The following ATP2B2 variants were observed in gnomAD, a reference collection of about 807,000 sequenced individuals.
ATP2B2 encodes the protein plasma membrane calcium-transporting ATPase 2.
In ATP2B2, 15 loss-of-function variants were observed where a neutral mutation model predicts 120.0. The ratio of observed to expected loss-of-function variants is 0.12; its 90% confidence interval spans 0.08 to 0.19. ATP2B2 has a LOEUF of 0.19. Ranked by LOEUF, ATP2B2 falls within the 10% of genes least tolerant of loss-of-function variation. The pLI is 1.00. For missense variants in ATP2B2, 1,045 were observed against 1,719.8 expected (o/e 0.61, Z 6.94); for synonymous variants, 694 against 700.3 (o/e 0.99, Z 0.14).
At chr3:10,638,072 A>C (rs2070071475) in intron 1 of ATP2B2, among the ~76,000 whole-genome samples, 2 of 152,196 alleles carry the variant, frequency 1.3e-5, no homozygotes, top group African/African-American at 2.4e-5. Flanking sequence ...GTAAAATAAA[A>C]ACATTTTTAG....
intron 1 of ATP2B2, among the ~76,000 whole-genome samples, chr3:10,471,316 A>G (rs911644506): frequency 1.3e-5 from 2 of 151,946 alleles, no homozygotes; most frequent in Non-Finnish European, 2.9e-5. Context: ...GTTCCAGGCC[A>G]CGGGAGTCTA....
intron 3 of ATP2B2, among the ~76,000 whole-genome samples, chr3:10,515,495 C>G (rs561389011): frequency 6.6e-6 from 1 of 152,180 alleles, no homozygotes; most frequent in Non-Finnish European, 1.5e-5. Context: ...GGACCTCCCC[C>G]AAGGGTGGTA....
intron 2 of ATP2B2, among the ~76,000 whole-genome samples, chr3:10,605,284 C>A (rs549147065): frequency 6.6e-6 from 1 of 152,212 alleles, no homozygotes; most frequent in Non-Finnish European, 1.5e-5. Context: ...CATTTCCATA[C>A]GTCCTCTCAT....
rs1475477457 is a variant in ATP2B2, at chr3:10,325,519, A to G, written c.*3295T>C. 5 of 112,116 alleles carry G rather than the reference A, an allele frequency of 4.5e-5. No homozygotes were observed. The highest frequency in any genetic ancestry group is 9.0e-5 in the Non-Finnish European group (5 of 55,296). The allele number at this position is 112,116 out of a possible 1,614,324, so 6.9% of individuals were successfully genotyped here. On this transcript the variant is annotated 3_prime_UTR_variant, in exon 23 of 23. Transcript: ENST00000360273. ...GCTTCCAACAACTGGAGGACCCAGG[A>G]CAAGACAGGTTCAGAGTCCTTTGAG...
chr3:10,457,540 A>T (rs2064312635), intron 1 of ATP2B2, among the ~76,000 whole-genome samples: 1 of 142,716 alleles, frequency 7.0e-6, no homozygotes, highest in Non-Finnish European at 1.5e-5. Context: ...CTACTGGAGC[A>T]TGTCAGCATG....
chr3:10,438,860 C>A (rs773017872), intron 2 of ATP2B2, among the ~76,000 whole-genome samples: 1 of 152,194 alleles, frequency 6.6e-6, no homozygotes, highest in Non-Finnish European at 1.5e-5. Flanking sequence ...CCCCTTAGGC[C>A]CGTGTGACAG....
At chr3:10,453,827 G>T (rs894641667) in intron 1 of ATP2B2, among the ~76,000 whole-genome samples, 4 of 152,040 alleles carry the variant, frequency 2.6e-5, no homozygotes, top group Non-Finnish European at 5.9e-5. Flanking sequence ...GATGAAAAAT[G>T]ATCTTCAACC....
chr3:10,382,341 T>C (rs1049216203), intron 8 of ATP2B2, among the ~76,000 whole-genome samples: 1 of 149,296 alleles, frequency 6.7e-6, no homozygotes, highest in African/African-American at 2.5e-5. Context: ...CAGCCCATGA[T>C]GTATAATTTT....
Position 10,520,393 on chromosome 3 carries a change from G to A in ATP2B2, c.-320+13646C>T, listed in dbSNP as rs532218389. On this transcript the variant is annotated intron_variant, in intron 3 of 21. Transcript: ENST00000646379. ...TGGGAGAACCCCTCACCTCCTCACT[G>A]TGGGAGGCGGGTGGAGAGAAATCCT... Among the ~76,000 whole-genome samples, 3 of 152,362 alleles carry A rather than the reference G, an allele frequency of 2.0e-5. No homozygotes were observed. In the South Asian group the frequency reaches 6.2e-4, roughly 32 times the overall value.
intron 1 of ATP2B2, among the ~76,000 whole-genome samples, chr3:10,644,962 A>G (rs2070284099): frequency 6.6e-6 from 1 of 152,244 alleles, no homozygotes; most frequent in African/African-American, 2.4e-5. Flanking sequence ...GAATGTATAA[A>G]TTGCACTACA....
In ATP2B2 at chr3:10,325,222, CA is replaced by C. The variant is rs1408050977; in HGVS notation, c.*3591del. 3 of 150,940 alleles carry C rather than the reference CA, an allele frequency of 2.0e-5. No individual in the cohort carries two copies. The highest frequency in any genetic ancestry group is 7.3e-5 in the African/African-American group (3 of 40,918). 9.4% of individuals were successfully genotyped at this position (150,940 alleles called of 1,614,324 possible). A position where few individuals can be genotyped will look rare whatever the true frequency, so the allele number is the denominator to read the frequency against. ...CCAGAATTTGGGGGTGGGAATGGGA[CA>C]GGGGGTGGAGGACTGGGCACAATTT... On this transcript the variant is annotated 3_prime_UTR_variant, in exon 23 of 23. Coordinates refer to ENST00000360273, the MANE Select transcript of ATP2B2 (RefSeq NM_001001331.4).
chr3:10,368,927 A>T (rs1023774023), intron 12 of ATP2B2, among the ~76,000 whole-genome samples: 17 of 152,094 alleles, frequency 1.1e-4, no homozygotes, highest in Admixed American at 7.9e-4. Context: ...TCCACCCAGC[A>T]CTTCCCAAAA....
chr3:10,490,575 G>A (rs555125431), intron 1 of ATP2B2, among the ~76,000 whole-genome samples: 3 of 151,982 alleles, frequency 2.0e-5, no homozygotes, highest in African/African-American at 7.2e-5. Flanking sequence ...TAATTTTTGT[G>A]TTTTTAGTAG....
intron 2 of ATP2B2, among the ~76,000 whole-genome samples, chr3:10,598,925 G>T (rs1449604935): frequency 1.3e-5 from 2 of 152,210 alleles, no homozygotes; most frequent in Non-Finnish European, 2.9e-5. Flanking sequence ...CTAATAAGAC[G>T]TTTATTTTAT....
At chr3:10,611,590 G>C (rs1386759041) in intron 2 of ATP2B2, among the ~76,000 whole-genome samples, 1 of 152,114 alleles carries the variant, frequency 6.6e-6, no homozygotes, top group Non-Finnish European at 1.5e-5. Context: ...CCTCTTTTGA[G>C]CGACTCACAT....
chr3:10,525,414 TAC>T (rs1467057806), intron 3 of ATP2B2, among the ~76,000 whole-genome samples: 1 of 152,228 alleles, frequency 6.6e-6, no homozygotes, highest in Non-Finnish European at 1.5e-5. Flanking sequence ...CTAAAGACAA[TAC>T]AGAGAGTTCT....
At chr3:10,574,545 A>G (rs923727004) in intron 2 of ATP2B2, among the ~76,000 whole-genome samples, 1 of 152,194 alleles carries the variant, frequency 6.6e-6, no homozygotes, top group Admixed American at 6.5e-5. Flanking sequence ...AACAAGGTCT[A>G]GATGATGCTT....
intron 2 of ATP2B2, among the ~76,000 whole-genome samples, chr3:10,534,804 G>A (rs554303069): frequency 2.6e-5 from 4 of 151,628 alleles, no homozygotes; most frequent in South Asian, 4.2e-4. Flanking sequence ...AGAAACGCCC[G>A]ACAAACAGCA....
intron 1 of ATP2B2, chr3:10,626,423 C>G (rs1054810859): frequency 1.3e-5 from 2 of 152,180 alleles, no homozygotes; most frequent in African/African-American, 4.8e-5. Flanking sequence ...GGGGCTGGAA[C>G]TGAGTGAGCC....
Sources: gnomAD v4.1 joint callset for allele counts (sites outside exome capture counted in the v4.1 genomes callset) on GRCh38, gnomAD v4.1.1 for gene constraint, MANE v1.5 for transcripts, NCBI Gene and HGNC (gene_info 2026-07-23, HGNC 2026-07-21) for gene names.